ROR1: variants seen among roughly 807,000 people sequenced by gnomAD.
The protein encoded by ROR1 is inactive tyrosine-protein kinase transmembrane receptor ROR1.
ROR1 carries 19 observed loss-of-function variants against 78.8 expected under a neutral mutation model. The observed-to-expected ratio is 0.24, with a 90% CI of 0.17 to 0.35. The LOEUF (loss-of-function observed/expected upper bound fraction) is 0.35. ROR1 is among the 10% of genes least tolerant of loss of function. ROR1 has a pLI of 1.00. For synonymous variants in ROR1, 386 were observed against 433.6 expected (o/e 0.89, Z 1.36); for missense variants, 917 against 1,177.8 (o/e 0.78, Z 3.24).
At chr1:64,058,689 T>C (rs1279162004) in intron 4 of ROR1, among the ~76,000 whole-genome samples, 1 of 151,998 alleles carries the variant, frequency 6.6e-6, no homozygotes, top group Non-Finnish European at 1.5e-5. Context: ...AATTCCTACT[T>C]GGCCATGGTA....
chr1:64,147,873 A>G (rs192692959), intron 7 of ROR1, among the ~76,000 whole-genome samples: 193 of 152,208 alleles, frequency 1.3e-3, no homozygotes, highest in Admixed American at 2.8e-3. Flanking sequence ...ACATTTGGCA[A>G]TTTCTGGAGA....
chr1:63,827,912 C>T lies in ROR1; in HGVS notation c.91+53404C>T, dbSNP rs1644965480. 2.6e-5 allele frequency among the ~76,000 whole-genome samples: 4 copies of T among 152,158 alleles called. No homozygotes were observed. The South Asian group carries it at 8.3e-4, about 31-fold the overall frequency. On this transcript the variant is annotated intron_variant, in intron 1 of 8. Coordinates refer to ENST00000371079, the MANE Select transcript of ROR1 (RefSeq NM_005012.4). ...GGAAACCAAACTTGTAAATGTTTTT[C>T]TCATTAGCTTCAGGCTCCCAGCCAC...
intron 1 of ROR1, among the ~76,000 whole-genome samples, chr1:63,935,529 C>T (rs771320396): frequency 2.0e-5 from 3 of 152,156 alleles, no homozygotes; most frequent in Non-Finnish European, 4.4e-5. Flanking sequence ...ACACAACCTC[C>T]CTCTAATCAT....
At chr1:64,110,142 G>A (rs1382911636) in intron 4 of ROR1, among the ~76,000 whole-genome samples, 1 of 152,068 alleles carries the variant, frequency 6.6e-6, no homozygotes, top group Non-Finnish European at 1.5e-5. Context: ...AAATATTCGT[G>A]GAGTTGATGA....
chr1:63,936,546 G>A (rs1645795936), intron 1 of ROR1, among the ~76,000 whole-genome samples: 1 of 152,152 alleles, frequency 6.6e-6, no homozygotes, highest in Admixed American at 6.5e-5. Context: ...CGCATGTTAT[G>A]GGAAAGTTGA....
intron 1 of ROR1, among the ~76,000 whole-genome samples, chr1:63,790,158 A>G (rs1644717001): frequency 6.6e-6 from 1 of 152,156 alleles, no homozygotes; most frequent in African/African-American, 2.4e-5. Context: ...TATTTGTGTA[A>G]TGACTATTTT....
Position 64,181,256 on chromosome 1 carries a change from T to G in ROR1, c.*2401T>G, listed in dbSNP as rs755689102. 69 of 152,160 alleles carry G rather than the reference T, an allele frequency of 4.5e-4. No individual in the cohort carries two copies. The highest frequency in any genetic ancestry group is 3.2e-3 in the Middle Eastern group (1 of 314). 9.4% of individuals were successfully genotyped at this position (152,160 alleles called of 1,614,324 possible). ...ATATAGATTTTCTTCAAATATATAA[T>G]GGCAATTTTCAGATATCTCACCTTA... On this transcript the variant is annotated 3_prime_UTR_variant, in exon 9 of 9. Coordinates refer to ENST00000371079, the MANE Select transcript of ROR1 (RefSeq NM_005012.4).
chr1:64,039,333 C>T lies in ROR1; in HGVS notation c.164-10358C>T, dbSNP rs1233824280. 3.3e-5 allele frequency among the ~76,000 whole-genome samples: 5 copies of T among 152,104 alleles called. 1 individual carries two copies. The South Asian group carries it at 1.0e-3, about 32-fold the overall frequency. ...CAAAGGGATTCTGGTCCTGTTTAACCAAGATGTGACTTTAGAATACTGAGA... is the reference window on the plus strand; with the variant it reads ...CAAAGGGATTCTGGTCCTGTTTAACTAAGATGTGACTTTAGAATACTGAGA... On this transcript the variant is annotated intron_variant, in intron 2 of 8. Coordinates refer to ENST00000371079, the MANE Select transcript of ROR1 (RefSeq NM_005012.4).
chr1:64,166,869 T>G (rs768916763), intron 8 of ROR1, among the ~76,000 whole-genome samples: 40 of 152,202 alleles, frequency 2.6e-4, no homozygotes, highest in Non-Finnish European at 1.0e-4. Flanking sequence ...AACCTCAGCT[T>G]AAACCAATGT....
chr1:63,803,030 A>G (rs183809914), intron 1 of ROR1, among the ~76,000 whole-genome samples: 242 of 152,326 alleles, frequency 1.6e-3, no homozygotes, highest in Non-Finnish European at 2.8e-3. Context: ...AAGTCTTTCA[A>G]ATCAGGTGTG....
chr1:64,092,529 T>C (rs1036668399), intron 4 of ROR1, among the ~76,000 whole-genome samples: 2 of 152,176 alleles, frequency 1.3e-5, no homozygotes, highest in African/African-American at 4.8e-5. Context: ...CTACAAGGGA[T>C]GTTATGGTAG....
chr1:63,857,143 A>G (rs897701507), intron 1 of ROR1, among the ~76,000 whole-genome samples: 2 of 149,810 alleles, frequency 1.3e-5, no homozygotes, highest in African/African-American at 5.1e-5. Flanking sequence ...TCTGTTGTTG[A>G]ACAACTTTCA....
At chr1:63,979,604 G>A (rs148852299) in intron 1 of ROR1, among the ~76,000 whole-genome samples, 1 of 152,266 alleles carries the variant, frequency 6.6e-6, no homozygotes, top group African/African-American at 2.4e-5. Flanking sequence ...CTGGCCTTCA[G>A]TCTTCTTTGG....
intron 1 of ROR1, among the ~76,000 whole-genome samples, chr1:63,847,188 C>T (rs879932643): frequency 1.1e-4 from 17 of 152,108 alleles, no homozygotes; most frequent in African/African-American, 3.4e-4. Flanking sequence ...GTGCTGGCTC[C>T]GTGCCTTGGT....
intron 1 of ROR1, among the ~76,000 whole-genome samples, chr1:63,920,269 G>A (rs1645643827): frequency 6.6e-6 from 1 of 152,160 alleles, no homozygotes; most frequent in Admixed American, 6.6e-5. Context: ...TGCCAAATAA[G>A]TGAGGAAGGA....
intron 7 of ROR1, among the ~76,000 whole-genome samples, chr1:64,156,545 A>G (rs1454712142): frequency 6.6e-6 from 1 of 152,026 alleles, no homozygotes; most frequent in Non-Finnish European, 1.5e-5. Context: ...TGTCTCTACT[A>G]AAAATACAAA....
chr1:63,785,878 C>T (rs1426922575), intron 1 of ROR1, among the ~76,000 whole-genome samples: 1 of 152,158 alleles, frequency 6.6e-6, no homozygotes, highest in East Asian at 1.9e-4. Flanking sequence ...ATTTAAACCT[C>T]TTTTTCTCTG....
At chr1:63,951,544 T>C (rs1281728082) in intron 1 of ROR1, among the ~76,000 whole-genome samples, 1 of 152,156 alleles carries the variant, frequency 6.6e-6, no homozygotes, top group Non-Finnish European at 1.5e-5. Context: ...TCAGGAGACC[T>C]GAGAGAGAAT....
At chr1:63,853,515 C>T (rs377564693) in intron 1 of ROR1, among the ~76,000 whole-genome samples, 10 of 152,286 alleles carry the variant, frequency 6.6e-5, no homozygotes, top group East Asian at 3.9e-4. Flanking sequence ...CTGGTATAAA[C>T]GCATATATTC....
Sources: gnomAD v4.1 joint callset for allele counts (sites outside exome capture counted in the v4.1 genomes callset) on GRCh38, gnomAD v4.1.1 for gene constraint, MANE v1.5 for transcripts, NCBI Gene and HGNC (gene_info 2026-07-23, HGNC 2026-07-21) for gene names.